The following SPIDR variants were observed in gnomAD, a reference collection of about 807,000 sequenced individuals.
The protein encoded by SPIDR is scaffold protein involved in DNA repair, also known as DNA repair-scaffolding protein.
A neutral mutation model predicts 104.6 loss-of-function variants in SPIDR; 93 were observed. The observed-to-expected ratio is 0.89, with a 90% CI of 0.75 to 1.06. The LOEUF is 1.06. Among genes scored for constraint, SPIDR ranks in the 50% least tolerant of loss-of-function variants. SPIDR has a pLI of 0.00. For synonymous variants in SPIDR, 431 were observed against 416.9 expected (o/e 1.03, Z -0.41); for missense variants, 1,154 against 1,111.2 (o/e 1.04, Z -0.55).
intron 8 of SPIDR, among the ~76,000 whole-genome samples, chr8:47,468,882 A>G (rs2075283909): frequency 6.6e-6 from 1 of 152,220 alleles, no homozygotes; most frequent in South Asian, 2.1e-4. Flanking sequence ...AAAAGAAACT[A>G]TCAACAGAGA....
At chr8:47,273,276 A>T (rs1368047658) in intron 1 of SPIDR, among the ~76,000 whole-genome samples, 2 of 152,204 alleles carry the variant, frequency 1.3e-5, no homozygotes, top group Non-Finnish European at 2.9e-5. Context: ...GGTTCGATTA[A>T]TTTGCTATGT....
At chr8:47,443,367 C>T (rs530841583) in intron 8 of SPIDR, among the ~76,000 whole-genome samples, 1 of 151,940 alleles carries the variant, frequency 6.6e-6, no homozygotes, top group African/African-American at 2.4e-5. Context: ...GTCAGGAGTT[C>T]GAGACCAGCC....
chr8:47,303,597 C>T (rs2042618124), intron 5 of SPIDR, among the ~76,000 whole-genome samples: 1 of 152,028 alleles, frequency 6.6e-6, no homozygotes, highest in South Asian at 2.1e-4. Flanking sequence ...CACCCCTTTC[C>T]ATATCTATTC....
intron 8 of SPIDR, among the ~76,000 whole-genome samples, chr8:47,461,352 G>A (rs1020446299): frequency 1.3e-5 from 2 of 152,156 alleles, no homozygotes; most frequent in African/African-American, 2.4e-5. Context: ...TTTAGATGGA[G>A]TCTCGCTCTG....
intron 5 of SPIDR, among the ~76,000 whole-genome samples, chr8:47,367,878 C>G (rs188587110): frequency 1.2e-4 from 19 of 152,268 alleles, no homozygotes; most frequent in African/African-American, 4.6e-4. Context: ...AGAAGGCAAG[C>G]TGGAGATTAT....
At chr8:47,412,825 T>G (rs1415896972) in intron 7 of SPIDR, among the ~76,000 whole-genome samples, 1 of 152,214 alleles carries the variant, frequency 6.6e-6, no homozygotes, top group African/African-American at 2.4e-5. Context: ...TCTACTTCCC[T>G]CCATCTCTAA....
intron 19 of SPIDR, among the ~76,000 whole-genome samples, chr8:47,735,089 T>G (rs941227291): frequency 2.0e-5 from 3 of 146,942 alleles, no homozygotes; most frequent in African/African-American, 7.7e-5. Context: ...AATAAATGGG[T>G]GTGTGGGTGT....
chr8:47,406,287 C>T (rs1271361690), intron 6 of SPIDR, among the ~76,000 whole-genome samples: 1 of 152,120 alleles, frequency 6.6e-6, no homozygotes, highest in Non-Finnish European at 1.5e-5. Flanking sequence ...ACTGCCTAGG[C>T]GTGCATCCAG....
intron 5 of SPIDR, among the ~76,000 whole-genome samples, chr8:47,370,039 T>C (rs548415967): frequency 6.6e-6 from 1 of 152,228 alleles, no homozygotes; most frequent in East Asian, 1.9e-4. Flanking sequence ...GTAAGTCTCT[T>C]CTGTTAGTTT....
At chr8:47,446,836 C>T (rs782217988) in intron 8 of SPIDR, among the ~76,000 whole-genome samples, 1 of 152,158 alleles carries the variant, frequency 6.6e-6, no homozygotes, top group Non-Finnish European at 1.5e-5. Context: ...CCACCCACTT[C>T]GGCTTCCCAA....
At chr8:47,425,748 AC>A (rs2066304828) in intron 7 of SPIDR, among the ~76,000 whole-genome samples, 1 of 152,204 alleles carries the variant, frequency 6.6e-6, no homozygotes, top group African/African-American at 2.4e-5. Context: ...CATTATATTC[AC>A]ACAGTAAAAA....
At chr8:47,660,479 A>G in intron 10 of SPIDR, 9 of 985,448 alleles carry the variant, frequency 9.1e-6, no homozygotes, top group Non-Finnish European at 1.1e-5. Flanking sequence ...GCACAGAATC[A>G]AAGTCCTGCG....
At chr8:47,530,873 T>C (rs1025527795) in intron 8 of SPIDR, among the ~76,000 whole-genome samples, 5 of 152,106 alleles carry the variant, frequency 3.3e-5, no homozygotes, top group Admixed American at 3.3e-4. Flanking sequence ...AAAAATATTT[T>C]TTATATCCCT....
chr8:47,347,940 C>T (rs1166270993), intron 5 of SPIDR, among the ~76,000 whole-genome samples: 1 of 152,086 alleles, frequency 6.6e-6, no homozygotes, highest in East Asian at 1.9e-4. Context: ...GCATTTAGCC[C>T]ATTTACATTT....
chr8:47,362,635 T>C (rs2056283185), intron 5 of SPIDR, among the ~76,000 whole-genome samples: 1 of 152,096 alleles, frequency 6.6e-6, no homozygotes, highest in Admixed American at 6.5e-5. Flanking sequence ...CACTCATATA[T>C]GGTGTTTTTT....
intron 10 of SPIDR, among the ~76,000 whole-genome samples, chr8:47,627,282 A>T (rs1233164508): frequency 6.6e-6 from 1 of 152,150 alleles, no homozygotes; most frequent in Non-Finnish European, 1.5e-5. Flanking sequence ...AGATATACCT[A>T]ATGCTAAATG....
At chr8:47,649,506 G>C (rs1226557139) in intron 10 of SPIDR, among the ~76,000 whole-genome samples, 1 of 152,134 alleles carries the variant, frequency 6.6e-6, no homozygotes, top group Non-Finnish European at 1.5e-5. Context: ...GCCCGATTCT[G>C]AACTATCTCC....
chr8:47,373,441 T>G (rs782772484), intron 5 of SPIDR, among the ~76,000 whole-genome samples: 1 of 152,220 alleles, frequency 6.6e-6, no homozygotes, highest in Non-Finnish European at 1.5e-5. Flanking sequence ...TTCAAAGTAC[T>G]TGAAATTTCA....
At chr8:47,327,082 C>T (rs1285257575) in intron 5 of SPIDR, among the ~76,000 whole-genome samples, 1 of 152,012 alleles carries the variant, frequency 6.6e-6, no homozygotes, top group Non-Finnish European at 1.5e-5. Flanking sequence ...TCAGTTTCTC[C>T]ACATCCCTTG....
Sources: gnomAD v4.1 joint callset for allele counts (sites outside exome capture counted in the v4.1 genomes callset) on GRCh38, gnomAD v4.1.1 for gene constraint, MANE v1.5 for transcripts, NCBI Gene and HGNC (gene_info 2026-07-23, HGNC 2026-07-21) for gene names.